The following LGSN variants were observed in gnomAD, a reference collection of about 807,000 sequenced individuals.
LGSN encodes the protein lengsin.
Under a neutral mutation model 19.5 loss-of-function variants are expected in LGSN, and 21 were observed. The observed-to-expected ratio is 1.07, with a 90% CI of 0.76 to 1.55. The LOEUF (loss-of-function observed/expected upper bound fraction) is 1.55, where lower values mean the gene tolerates loss of function less well. Ranked by LOEUF, LGSN falls within the 40% of genes most tolerant of loss-of-function variation. LGSN has a pLI of 0.00. For missense variants in LGSN, 673 were observed against 608.5 expected, an observed-to-expected ratio of 1.11 and a Z score of -1.12; for synonymous variants, 257 against 215.6, an observed-to-expected ratio of 1.19 and a Z score of -1.68.
the LGSN span, among the ~76,000 whole-genome samples, chr6:63,502,916 C>T: frequency 1.3e-4 from 20 of 152,190 alleles, no homozygotes; most frequent in Admixed American, 3.9e-4. Context: ...AGAAGACGAT[C>T]TATGCTCTAT....
the LGSN span, among the ~76,000 whole-genome samples, chr6:63,474,223 A>G: frequency 6.6e-6 from 1 of 152,174 alleles, no homozygotes. Context: ...CTAACATGCA[A>G]ACCAAGTATG....
chr6:63,369,259 A>T, the LGSN span, among the ~76,000 whole-genome samples: 108 of 152,366 alleles, frequency 7.1e-4, no homozygotes, highest in African/African-American at 2.4e-3. Context: ...ATAGATGTCC[A>T]TTATGACTAA....
At position 63,280,516 on chromosome 6, in the gene LGSN, C is replaced by T. The variant is rs983451184; in HGVS notation, c.1035G>A (p.Leu345=). The change falls in exon 4 of 4, where the codon TTG becomes TTA. Residue 345 remains leucine (L), a synonymous_variant. Transcript: ENST00000370657. ...CAGCAGAGTGCTTCAAGAGTCCTGC[C>T]AACCATTTTTTCCCAGTGATCGTGA... ...EQLTITGKKW[L]AGLLKHSAAL... The T allele has an allele frequency of 3.1e-6, 5 of 1,613,970 alleles. No individual in the cohort carries two copies. The highest frequency in any genetic ancestry group is 4.2e-6 in the Non-Finnish European group (5 of 1,180,038).
At chr6:63,305,447 A>C (rs1045547537) in intron 1 of LGSN, among the ~76,000 whole-genome samples, 1 of 152,206 alleles carries the variant, frequency 6.6e-6, no homozygotes, top group African/African-American at 2.4e-5. Context: ...ACATATCTTA[A>C]GTTTGGCCTA....
At chr6:63,292,531 C>T (rs562469466) in intron 2 of LGSN, among the ~76,000 whole-genome samples, 1 of 152,310 alleles carries the variant, frequency 6.6e-6, no homozygotes, top group Admixed American at 6.5e-5. Context: ...GACTTCAAGT[C>T]ATGCAGTAAC....
chr6:63,326,339 T>G, the LGSN span, among the ~76,000 whole-genome samples: 1 of 151,908 alleles, frequency 6.6e-6, no homozygotes, highest in Non-Finnish European at 1.5e-5. Context: ...GAGCTAGACA[T>G]AAAGGTTCTC....
In LGSN at chr6:63,280,279, A is replaced by C; in HGVS notation, c.1272T>G (p.Val424=). The C allele has an allele frequency of 6.2e-7, 1 of 1,614,232 alleles. No individual in the cohort carries two copies. The highest frequency in any genetic ancestry group is 8.5e-7 in the Non-Finnish European group (1 of 1,180,038). The change falls in exon 4 of 4, where the codon GTT becomes GTG. Residue 424 remains valine, a synonymous_variant. Coordinates refer to ENST00000370657, the MANE Select transcript of LGSN (RefSeq NM_016571.3). ...TATGAAGTCCATCTAAGCCGGCAGC[A>C]ACAGTTGCAGCCAGCACCAAGTAAG... is the stretch of plus-strand genomic sequence containing the variant. ...ANPYLVLAAT[V]AAGLDGLHSS...
chr6:63,402,108 G>C, the LGSN span, among the ~76,000 whole-genome samples: 1 of 152,296 alleles, frequency 6.6e-6, no homozygotes, highest in Non-Finnish European at 1.5e-5. Context: ...GGATGTGGAA[G>C]TTTGATGACA....
the LGSN span, chr6:63,396,029 G>C: frequency 6.5e-6 from 1 of 153,534 alleles, no homozygotes; most frequent in Non-Finnish European, 1.5e-5. Flanking sequence ...GCTAGGACTT[G>C]AGATTCCTTG....
At chr6:63,441,605 G>T in the LGSN span, 1 of 460,474 alleles carries the variant, frequency 2.2e-6, no homozygotes. Context: ...AGCGAGCTAA[G>T]GAAGCTCAGG....
chr6:63,295,578 T>G (rs1767953363), intron 1 of LGSN, among the ~76,000 whole-genome samples: 1 of 152,216 alleles, frequency 6.6e-6, no homozygotes, highest in South Asian at 2.1e-4. Flanking sequence ...ATTCATAAAG[T>G]GCTATTTTGT....
chr6:63,461,087 A>T, the LGSN span, among the ~76,000 whole-genome samples: 1 of 152,152 alleles, frequency 6.6e-6, no homozygotes, highest in Non-Finnish European at 1.5e-5. Context: ...TTTTCCCCCA[A>T]GACGGAGTCT....
chr6:63,469,996 G>GT, the LGSN span, among the ~76,000 whole-genome samples: 3 of 152,128 alleles, frequency 2.0e-5, no homozygotes, highest in Non-Finnish European at 1.5e-5. Context: ...GATTACAGGC[G>GT]TGAGCCACTG....
At chr6:63,371,419 A>G in the LGSN span, among the ~76,000 whole-genome samples, 5 of 152,260 alleles carry the variant, frequency 3.3e-5, no homozygotes, top group Non-Finnish European at 1.5e-5. Context: ...ACATATTCAG[A>G]ACAATTAGAA....
chr6:63,554,745 CCACTA>C, the LGSN span, among the ~76,000 whole-genome samples: 3 of 152,106 alleles, frequency 2.0e-5, no homozygotes, highest in Non-Finnish European at 1.5e-5. Flanking sequence ...TGAAATCGCA[CCACTA>C]CACTCTAGCC....
At chr6:63,474,182 C>G in the LGSN span, among the ~76,000 whole-genome samples, 86 of 152,210 alleles carry the variant, frequency 5.7e-4, no homozygotes, top group Non-Finnish European at 9.7e-4. Flanking sequence ...CTCTTCAGTT[C>G]AACCCAGTAA....
At chr6:63,505,978 G>A in the LGSN span, among the ~76,000 whole-genome samples, 2 of 151,984 alleles carry the variant, frequency 1.3e-5, no homozygotes, top group Non-Finnish European at 2.9e-5. Flanking sequence ...GGGACACAGG[G>A]TATCTTCGAA....
the LGSN span, among the ~76,000 whole-genome samples, chr6:63,535,637 T>C: frequency 6.6e-6 from 1 of 152,182 alleles, no homozygotes; most frequent in Non-Finnish European, 1.5e-5. Context: ...TAGAAATATT[T>C]ATAAAAATCA....
At chr6:63,502,990 A>G in the LGSN span, among the ~76,000 whole-genome samples, 3 of 152,238 alleles carry the variant, frequency 2.0e-5, no homozygotes. Flanking sequence ...TTAAATACCT[A>G]TCACCTAATT....
Sources: allele counts gnomAD v4.1 joint callset (sites outside exome capture counted in the v4.1 genomes callset), GRCh38; gene constraint gnomAD v4.1.1; transcripts MANE v1.5; gene names NCBI Gene and HGNC (gene_info 2026-07-23, HGNC 2026-07-21).